The following PRKCE variants were observed in gnomAD, a reference collection of about 807,000 sequenced individuals.
The protein encoded by PRKCE is protein kinase C epsilon type.
A neutral mutation model predicts 85.4 loss-of-function variants in PRKCE; 16 were observed. That is an observed-to-expected ratio of 0.19 (90% confidence interval 0.13 to 0.28). The LOEUF is 0.28. Among genes scored for constraint, PRKCE ranks in the 10% least tolerant of loss-of-function variants. The pLI is 1.00. For synonymous variants in PRKCE, 388 were observed against 371.5 expected (o/e 1.04, Z -0.51); for missense variants, 573 against 975.2 (o/e 0.59, Z 5.49).
intron 1 of PRKCE, chr2:45,677,059 C>T (rs1320961765): frequency 6.6e-6 from 1 of 151,740 alleles, no homozygotes; most frequent in Non-Finnish European, 1.5e-5. Flanking sequence ...GGCGACATTT[C>T]AGCAGAGACC....
At position 45,980,203 on chromosome 2, in the gene PRKCE, C is replaced by T. The variant is rs1006243841; in HGVS notation, c.608-93C>T. On this transcript the variant is annotated intron_variant, in intron 4 of 14. Coordinates refer to ENST00000306156, the MANE Select transcript of PRKCE (RefSeq NM_005400.3). ...GCTCAGTGGCAGAAGGGGCCTGGCT[C>T]CCCTTGTCACTCCACCAAGCCCTGA... is the stretch of plus-strand genomic sequence containing the variant. 8 of 1,204,534 alleles carry T rather than the reference C, an allele frequency of 6.6e-6. No individual in the cohort carries two copies. In the East Asian group the frequency reaches 1.7e-4, roughly 26 times the overall value. The allele number at this position is 1,204,534 out of a possible 1,614,324, so 74.6% of individuals were successfully genotyped here.
chr2:45,778,583 G>A (rs1488036861), intron 1 of PRKCE, among the ~76,000 whole-genome samples: 1 of 152,026 alleles, frequency 6.6e-6, no homozygotes, highest in African/African-American at 2.4e-5. Context: ...AGACACTAAG[G>A]GCTCCTCATG....
chr2:45,749,417 T>C (rs1683377389), intron 1 of PRKCE, among the ~76,000 whole-genome samples: 1 of 152,224 alleles, frequency 6.6e-6, no homozygotes, highest in Non-Finnish European at 1.5e-5. Context: ...AAGAGCATCA[T>C]TGGCATGTGG....
intron 1 of PRKCE, among the ~76,000 whole-genome samples, chr2:45,782,808 G>C (rs369130660): frequency 9.2e-5 from 14 of 151,896 alleles, no homozygotes; most frequent in African/African-American, 2.7e-4. Flanking sequence ...CAGAAAAGGG[G>C]AAAAATACTC....
intron 1 of PRKCE, among the ~76,000 whole-genome samples, chr2:45,789,944 G>T (rs1686908680): frequency 6.6e-6 from 1 of 152,126 alleles, no homozygotes; most frequent in Non-Finnish European, 1.5e-5. Context: ...CATATTGATA[G>T]GATAATGAAG....
In PRKCE at chr2:46,145,068, A is replaced by G. The variant is rs764998130; in HGVS notation, c.1593-25A>G. 1.3e-6 allele frequency: 2 copies of G among 1,599,590 alleles called. No individual in the cohort carries two copies. The highest frequency in any genetic ancestry group is 8.5e-7 in the Non-Finnish European group (1 of 1,179,860). On this transcript the variant is annotated intron_variant, in intron 11 of 14. Transcript: ENST00000306156. The surrounding 1 kb of genome is among the most constrained non-coding windows in gnomAD (Gnocchi z 4.6). ...ATATTGGGGTGAGTGACGTATTGACATTATGGTCCTGGCCTATCTTGCAGG... is the reference window on the plus strand; with the variant it reads ...ATATTGGGGTGAGTGACGTATTGACGTTATGGTCCTGGCCTATCTTGCAGG...
At chr2:46,135,428 A>G (rs1309051748) in intron 11 of PRKCE, among the ~76,000 whole-genome samples, 1 of 152,234 alleles carries the variant, frequency 6.6e-6, no homozygotes, top group East Asian at 1.9e-4. Context: ...GGGCCAGTCA[A>G]GTAACCCCTC....
chr2:46,136,488 G>A (rs1002144077), intron 11 of PRKCE, among the ~76,000 whole-genome samples: 1 of 152,080 alleles, frequency 6.6e-6, no homozygotes, highest in Admixed American at 6.6e-5. Context: ...AAGAAAACAG[G>A]ATTCCACCAA....
At chr2:45,980,181 C>A (rs1702770877) in intron 4 of PRKCE, 115 bp from the exon 5 acceptor site, 2 of 853,062 alleles carry the variant, frequency 2.3e-6, no homozygotes, top group Non-Finnish European at 3.7e-6. Context: ...AATTAAGGCT[C>A]AGTGGCAGAA....
At chr2:46,070,590 CTGAGATCA>C (rs1438832211) in intron 10 of PRKCE, among the ~76,000 whole-genome samples, 1 of 151,882 alleles carries the variant, frequency 6.6e-6, no homozygotes, top group Admixed American at 6.6e-5. Flanking sequence ...TTGCAGTGAG[CTGAGATCA>C]TGCCACTGCA....
intron 2 of PRKCE, among the ~76,000 whole-genome samples, chr2:45,872,593 C>T (rs1694178059): frequency 6.6e-6 from 1 of 152,004 alleles, no homozygotes; most frequent in Non-Finnish European, 1.5e-5. Flanking sequence ...CCTGAATCAG[C>T]GTGGTGGGGA....
intron 1 of PRKCE, among the ~76,000 whole-genome samples, chr2:45,659,518 G>C (rs1046788058): frequency 6.6e-6 from 1 of 152,162 alleles, no homozygotes; most frequent in South Asian, 2.1e-4. Flanking sequence ...TCTCAGGTGA[G>C]ATTATCCCTT....
At chr2:46,123,781 C>G (rs1183942953) in intron 11 of PRKCE, among the ~76,000 whole-genome samples, 1 of 152,206 alleles carries the variant, frequency 6.6e-6, no homozygotes, top group Non-Finnish European at 1.5e-5. Flanking sequence ...CCACTGTGCC[C>G]TGCCAAGTTT....
intron 10 of PRKCE, among the ~76,000 whole-genome samples, chr2:46,056,088 T>C (rs951172947): frequency 2.0e-5 from 3 of 152,156 alleles, no homozygotes; most frequent in Non-Finnish European, 2.9e-5. Context: ...GCCATAATTT[T>C]CTCATCTGTA....
At chr2:45,993,297 C>T (rs998788124) in intron 6 of PRKCE, among the ~76,000 whole-genome samples, 3 of 152,222 alleles carry the variant, frequency 2.0e-5, no homozygotes. Flanking sequence ...ATCTTGCTCC[C>T]GTTATGGCTG....
chr2:46,136,172 C>A (rs1423989756), intron 11 of PRKCE, among the ~76,000 whole-genome samples: 1 of 152,128 alleles, frequency 6.6e-6, no homozygotes. Context: ...CTGCAGCACT[C>A]AGGCCTGAGC....
chr2:45,721,642 C>G (rs1189965112), intron 1 of PRKCE, among the ~76,000 whole-genome samples: 1 of 152,120 alleles, frequency 6.6e-6, no homozygotes, highest in African/African-American at 2.4e-5. Flanking sequence ...GAGGCTGAGG[C>G]TGAGGCAGAA....
At chr2:46,092,690 G>A in intron 11 of PRKCE, among the ~76,000 whole-genome samples, 1 of 152,210 alleles carries the variant, frequency 6.6e-6, no homozygotes, top group East Asian at 1.9e-4. Flanking sequence ...CCTAGAAGAA[G>A]CTGGGGTTGT....
chr2:45,862,260 T>C (rs1290346672), intron 2 of PRKCE, among the ~76,000 whole-genome samples: 1 of 151,426 alleles, frequency 6.6e-6, no homozygotes, highest in Non-Finnish European at 1.5e-5. Context: ...GAATTCTTCA[T>C]TGTGTTCCTT....
Sources: gnomAD v4.1 joint callset for allele counts (sites outside exome capture counted in the v4.1 genomes callset) on GRCh38, gnomAD v4.1.1 for gene constraint, Gnocchi (gnomAD v3.1) non-coding constraint, MANE v1.5 for transcripts, NCBI Gene and HGNC (gene_info 2026-07-23, HGNC 2026-07-21) for gene names.